The following BMP7 variants were observed in gnomAD, a reference collection of about 807,000 sequenced individuals.
BMP7 encodes bone morphogenetic protein 7, also known as osteogenic protein 1.
A neutral mutation model predicts 41.2 loss-of-function variants in BMP7; 12 were observed. The ratio of observed to expected loss-of-function variants is 0.29; its 90% CI spans 0.19 to 0.47. The LOEUF (loss-of-function observed/expected upper bound fraction) is 0.47. BMP7 is among the 20% of genes least tolerant of loss of function. The pLI, the probability that BMP7 is intolerant of heterozygous loss-of-function variation, is 0.99. For missense variants in BMP7, 467 were observed against 606.0 expected, an observed-to-expected ratio of 0.77 and a Z score of 2.41; for synonymous variants, 248 against 250.0, an observed-to-expected ratio of 0.99 and a Z score of 0.07.
chr20:57,218,119 G>A (rs552506181), intron 2 of BMP7, among the ~76,000 whole-genome samples: 3 of 152,370 alleles, frequency 2.0e-5, no homozygotes, highest in African/African-American at 7.2e-5. Flanking sequence ...ACAGAAGTAC[G>A]CCGAGCTTGG....
At chr20:57,176,750 T>TCACACA (rs60465573) in intron 4 of BMP7, among the ~76,000 whole-genome samples, 31,335 of 134,962 alleles carry the variant, frequency 0.23, 3,984 homozygotes, top group Non-Finnish European at 0.27. Flanking sequence ...CATTCTCCAT[T>TCACACA]CACACACACA....
At chr20:57,248,361 C>T (rs1600642938) in intron 1 of BMP7, among the ~76,000 whole-genome samples, 1 of 152,354 alleles carries the variant, frequency 6.6e-6, no homozygotes, top group South Asian at 2.1e-4. Context: ...CAGATGCCAG[C>T]TGCATACATT....
intron 3 of BMP7, among the ~76,000 whole-genome samples, chr20:57,199,568 G>C (rs933247240): frequency 2.0e-5 from 3 of 152,150 alleles, no homozygotes; most frequent in Non-Finnish European, 4.4e-5. Context: ...CTGAAATGGA[G>C]CTCAGGCACC....
rs200454705 is a variant in BMP7 at position 57,243,211 on chromosome 20, T to C, written c.419-14790A>G. On this transcript the variant is annotated intron_variant, in intron 1 of 6. Coordinates refer to ENST00000395863, the MANE Select transcript of BMP7 (RefSeq NM_001719.3). ...AAAGTTTTTCTTTAAAACTGTGGGA[T>C]TGGTGGCTCACGCCCATAATCCCAG... Among the ~76,000 whole-genome samples the C allele has an allele frequency of 2.6e-5, 4 of 151,588 alleles. No homozygotes were observed. In the East Asian group the frequency reaches 7.9e-4, roughly 30 times the overall value.
chr20:57,224,494 G>A lies in BMP7; in HGVS notation c.611+3735C>T, dbSNP rs577434506. 6.6e-6 allele frequency: 1 copy of A among 152,504 alleles called. No homozygotes were observed. Among genetic ancestry groups the A allele is most frequent in the South Asian group, 2.1e-4 (1 of 4,832 alleles). The allele number at this position is 152,504 out of a possible 1,614,324, so 9.4% of individuals were successfully genotyped here. ...CACATGCTCAAGGAGAGACGGGGAA[G>A]ACTGGGATGGAAGATGCCAGGTCCC... On this transcript the variant is annotated intron_variant, in intron 2 of 6. Coordinates refer to ENST00000395863, the MANE Select transcript of BMP7 (RefSeq NM_001719.3). This position sits in a 1 kb window ranked among gnomAD's most constrained non-coding sequence, Gnocchi z 4.8.
chr20:57,225,959 T>A (rs1033089837), intron 2 of BMP7: 1 of 471,060 alleles, frequency 2.1e-6, no homozygotes, highest in Admixed American at 2.3e-5. Context: ...AGCAGGTACC[T>A]GTGCTGAGGA....
rs1038772156 is a variant in BMP7 at position 57,174,659 on chromosome 20, AG to A, written c.1035+271del. Among the ~76,000 whole-genome samples the A allele has an allele frequency of 6.6e-6, 1 of 152,218 alleles. No individual in the cohort carries two copies. Among genetic ancestry groups the A allele is most frequent in the Non-Finnish European group, 1.5e-5 (1 of 68,038 alleles). ...CATCATCTTGAGAAGCAGCCAGCCA[AG>A]GGATGGGAATGAGGTGCATGCAGAG... On this transcript the variant is annotated intron_variant, in intron 5 of 6. Coordinates refer to ENST00000395863, the MANE Select transcript of BMP7 (RefSeq NM_001719.3). The surrounding 1 kb of genome is among the most constrained non-coding windows in gnomAD (Gnocchi z 4.3).
chr20:57,253,686 C>T (rs2066122896), intron 1 of BMP7, among the ~76,000 whole-genome samples: 1 of 152,146 alleles, frequency 6.6e-6, no homozygotes, highest in Admixed American at 6.5e-5. Flanking sequence ...TCATGGACAT[C>T]CATGCACCCA....
At chr20:57,265,679 G>T (rs368156920) in intron 1 of BMP7, 26 bp downstream of exon 1, 2 of 1,583,892 alleles carry the variant, frequency 1.3e-6, no homozygotes, top group Non-Finnish European at 1.7e-6. Context: ...GAAAGGAGAC[G>T]CGTACCCTCG....
At chr20:57,176,438 C>G (rs1983923556) in intron 4 of BMP7, among the ~76,000 whole-genome samples, 1 of 152,186 alleles carries the variant, frequency 6.6e-6, no homozygotes, top group Admixed American at 6.5e-5. Flanking sequence ...AACTGGCTGC[C>G]CTGTGAAGGC....
At chr20:57,239,090 C>T (rs1367515948) in intron 1 of BMP7, among the ~76,000 whole-genome samples, 1 of 152,166 alleles carries the variant, frequency 6.6e-6, no homozygotes, top group East Asian at 1.9e-4. Flanking sequence ...CTCATTTCAG[C>T]ATTAACTCAA....
At position 57,169,698 on chromosome 20, in the gene BMP7, G is replaced by A. The variant is rs1213611309; in HGVS notation, c.*1261C>T. On this transcript the variant is annotated 3_prime_UTR_variant, in exon 7 of 7. Transcript: ENST00000395863. ...CAGACAAAGACCAGAGGGTCCACTG[G>A]GGCGATGTGCAGTGCTCCTGCTCAC... is the stretch of plus-strand genomic sequence containing the variant. 1 of 152,156 alleles carries A rather than the reference G, an allele frequency of 6.6e-6. No homozygotes were observed. The highest frequency in any genetic ancestry group is 1.5e-5 in the Non-Finnish European group (1 of 68,036). The allele number at this position is 152,156 out of a possible 1,614,324, so 9.4% of individuals were successfully genotyped here.
chr20:57,184,958 G>A lies in BMP7; in HGVS notation c.761-1039C>T, dbSNP rs528896409. Among the ~76,000 whole-genome samples the A allele has an allele frequency of 1.1e-4, 17 of 152,340 alleles. No individual in the cohort carries two copies. In the South Asian group the frequency reaches 3.5e-3, roughly 32 times the overall value. On this transcript the variant is annotated intron_variant, in intron 3 of 6. Coordinates refer to ENST00000395863, the MANE Select transcript of BMP7 (RefSeq NM_001719.3). The stretch of plus-strand genomic sequence containing the variant: ...TTGTTTCAAGCCACCCAGTGAGTGG[G>A]ACTTCGCATCCAGGGCCCTGGTCAG...
At chr20:57,265,042 A>AAAAAAAAAAAAAAAAG (rs1555819055) in intron 1 of BMP7, among the ~76,000 whole-genome samples, 11 of 120,150 alleles carry the variant, frequency 9.2e-5, no homozygotes, top group Admixed American at 1.8e-4. Flanking sequence ...AAAAAAAAAA[A>AAAAAAAAAAAAAAAAG]AAAAGAAAAG....
At chr20:57,181,553 T>C (rs1285422536) in intron 4 of BMP7, among the ~76,000 whole-genome samples, 1 of 151,586 alleles carries the variant, frequency 6.6e-6, no homozygotes, top group South Asian at 2.1e-4. Flanking sequence ...CCAACAAAGA[T>C]GTATTCTTTC....
intron 2 of BMP7, among the ~76,000 whole-genome samples, chr20:57,211,304 G>A (rs1984878441): frequency 6.6e-6 from 1 of 152,244 alleles, no homozygotes; most frequent in South Asian, 2.1e-4. Context: ...ACACGCCTCT[G>A]CTGGGAGCAA....
intron 1 of BMP7, among the ~76,000 whole-genome samples, chr20:57,248,615 A>T (rs2066099242): frequency 6.6e-6 from 1 of 152,102 alleles, no homozygotes; most frequent in African/African-American, 2.4e-5. Context: ...GGATGGTGGT[A>T]GGGGGAGGTG....
intron 2 of BMP7, among the ~76,000 whole-genome samples, chr20:57,205,038 G>A (rs994190738): frequency 2.6e-5 from 4 of 152,294 alleles, no homozygotes; most frequent in East Asian, 1.9e-4. Context: ...GCAACGAGGT[G>A]TCATCTTGAA....
In BMP7 at chr20:57,213,238, G is replaced by A. The variant is rs11905166; in HGVS notation, c.612-10615C>T. On this transcript the variant is annotated intron_variant, in intron 2 of 6. Coordinates refer to ENST00000395863, the MANE Select transcript of BMP7 (RefSeq NM_001719.3). The surrounding 1 kb of genome is among the most constrained non-coding windows in gnomAD (Gnocchi z 4.4). ...TCAGGAAGATGCCCGTCCAGCACCC[G>A]GAGGCCAGCGTTGTCACAGTCAGAA... is the stretch of plus-strand genomic sequence containing the variant. Among the ~76,000 whole-genome samples the A allele has an allele frequency of 0.052, 7,923 of 152,288 alleles. 340 individuals carry two copies. The highest frequency in any genetic ancestry group is 0.11 in the African/African-American group (4,602 of 41,558).
Sources: gnomAD v4.1 joint callset for allele counts (sites outside exome capture counted in the v4.1 genomes callset) on GRCh38, gnomAD v4.1.1 for gene constraint, Gnocchi (gnomAD v3.1) non-coding constraint, MANE v1.5 for transcripts, NCBI Gene and HGNC (gene_info 2026-07-23, HGNC 2026-07-21) for gene names.